The following NSG2 variants were observed in gnomAD, a reference collection of about 807,000 sequenced individuals.
NSG2 encodes the protein neuronal vesicle trafficking associated 2, also known as neuronal vesicle trafficking-associated protein 2.
NSG2 carries 4 observed loss-of-function variants against 16.9 expected under a neutral mutation model. The observed-to-expected ratio is 0.24, with a 90% CI of 0.12 to 0.54. The LOEUF is 0.54. Among genes scored for constraint, NSG2 ranks in the 20% least tolerant of loss-of-function variants. The probability of loss-of-function intolerance (pLI) is 0.95; values close to 1 mark genes in which losing one functional copy is unlikely to be tolerated. For missense variants in NSG2, 179 were observed against 221.1 expected (o/e 0.81, Z 1.21); for synonymous variants, 98 against 88.7 (o/e 1.11, Z -0.59).
intron 2 of NSG2, 81 bp downstream of exon 2, chr5:174,046,965 C>G (rs900745137): frequency 4.9e-6 from 7 of 1,422,446 alleles, no homozygotes; most frequent in East Asian, 4.6e-5. Flanking sequence ...TTCCACCCCC[C>G]AAATCCTTTC....
chr5:174,099,743 G>A (rs939705451), intron 3 of NSG2, among the ~76,000 whole-genome samples: 1 of 152,220 alleles, frequency 6.6e-6, no homozygotes, highest in East Asian at 1.9e-4. Context: ...TCTGCTCAGA[G>A]CCTTCTTCCC....
rs148500337 is a variant in NSG2, at chr5:174,064,234, G to A, written c.132G>A (p.Val44=). The change falls in exon 3 of 5, where the codon GTG becomes GTA. Residue 44 remains valine, a splice_region_variant and synonymous_variant. Transcript: ENST00000303177. ...NHLQLPAPEK[V]IVKTRTEYQP... ...AACACACTGGTTGACTCTTTCAGGT[G>A]ATTGTGAAGACAAGAACGGAATATC... 10 of 1,606,832 alleles carry A rather than the reference G, an allele frequency of 6.2e-6. No individual in the cohort carries two copies. The highest frequency in any genetic ancestry group is 1.7e-4 in the Middle Eastern group (1 of 6,048).
chr5:174,050,738 C>A (rs539215461), intron 2 of NSG2, among the ~76,000 whole-genome samples: 2 of 152,122 alleles, frequency 1.3e-5, no homozygotes, highest in Non-Finnish European at 2.9e-5. Flanking sequence ...GGACTGGTCC[C>A]CCAGACAGAA....
chr5:174,099,342 C>T (rs544917977), intron 3 of NSG2, among the ~76,000 whole-genome samples: 1 of 152,166 alleles, frequency 6.6e-6, no homozygotes, highest in Non-Finnish European at 1.5e-5. Context: ...TCTTGTCTCG[C>T]AGTGCTGTGC....
chr5:174,062,017 T>C (rs974590754), intron 2 of NSG2, among the ~76,000 whole-genome samples: 1 of 151,354 alleles, frequency 6.6e-6, no homozygotes, highest in Admixed American at 6.6e-5. Flanking sequence ...AGGGTGACAC[T>C]GCAGCCTGAC....
intron 3 of NSG2, among the ~76,000 whole-genome samples, chr5:174,067,181 A>G (rs1250390373): frequency 6.6e-6 from 1 of 152,176 alleles, no homozygotes; most frequent in Admixed American, 6.5e-5. Flanking sequence ...TGTTATTAGC[A>G]GTGATATAGG....
chr5:174,062,389 C>T (rs1561663401), intron 2 of NSG2, among the ~76,000 whole-genome samples: 1 of 152,170 alleles, frequency 6.6e-6, no homozygotes, highest in Non-Finnish European at 1.5e-5. Flanking sequence ...AGTAAATGCA[C>T]AAAGTATGAG....
At chr5:174,048,424 C>G (rs1006094615) in intron 2 of NSG2, among the ~76,000 whole-genome samples, 12 of 152,222 alleles carry the variant, frequency 7.9e-5, no homozygotes, top group African/African-American at 2.9e-4. Context: ...ACCTGGGAGT[C>G]AGGGATTATT....
At chr5:174,092,904 A>C (rs1180877861) in intron 3 of NSG2, among the ~76,000 whole-genome samples, 1 of 152,190 alleles carries the variant, frequency 6.6e-6, no homozygotes, top group Non-Finnish European at 1.5e-5. Context: ...ATCCATGTAG[A>C]TGGGAACAAG....
At chr5:174,097,182 G>A (rs1228792848) in intron 3 of NSG2, among the ~76,000 whole-genome samples, 1 of 152,076 alleles carries the variant, frequency 6.6e-6, no homozygotes, top group Non-Finnish European at 1.5e-5. Flanking sequence ...TGCCAGAGTC[G>A]CCAACTCTGT....
In NSG2 at chr5:174,092,797, C is replaced by A. The variant is rs538803151; in HGVS notation, c.214-11431C>A. Among the ~76,000 whole-genome samples, 5 of 152,182 alleles carry A rather than the reference C, an allele frequency of 3.3e-5. No individual in the cohort carries two copies. In the East Asian group the frequency reaches 5.8e-4, roughly 18 times the overall value. On this transcript the variant is annotated intron_variant, in intron 3 of 4. Coordinates refer to ENST00000303177, the MANE Select transcript of NSG2 (RefSeq NM_015980.5). ...TGTCTTGATTCTGAGGTGGCCCAGA[C>A]TCGGCACGTGAGGATGCTCTATGTG...
intron 3 of NSG2, among the ~76,000 whole-genome samples, chr5:174,067,845 G>T (rs564724312): frequency 3.0e-4 from 45 of 152,256 alleles, no homozygotes; most frequent in African/African-American, 1.1e-3. Flanking sequence ...CCTGGTTGGA[G>T]GAAGGGCATT....
intron 3 of NSG2, among the ~76,000 whole-genome samples, chr5:174,074,083 C>G (rs930712268): frequency 1.3e-5 from 2 of 152,096 alleles, no homozygotes; most frequent in African/African-American, 4.8e-5. Flanking sequence ...CTCCTCCTCT[C>G]CCCCCAAGAG....
At chr5:174,073,081 C>T (rs1354227911) in intron 3 of NSG2, among the ~76,000 whole-genome samples, 1 of 152,222 alleles carries the variant, frequency 6.6e-6, no homozygotes, top group East Asian at 1.9e-4. Context: ...ATCACATCAA[C>T]AGCTCTGGTT....
chr5:174,089,775 C>T (rs775045496), intron 3 of NSG2, among the ~76,000 whole-genome samples: 17 of 152,050 alleles, frequency 1.1e-4, no homozygotes, highest in Non-Finnish European at 2.1e-4. Flanking sequence ...CTACCACCTC[C>T]GGCTAGTTTT....
chr5:174,103,993 A>G (rs1213435683), intron 3 of NSG2, among the ~76,000 whole-genome samples: 1 of 152,098 alleles, frequency 6.6e-6, no homozygotes, highest in Non-Finnish European at 1.5e-5. Context: ...ACAAATAAAC[A>G]ACAACAAAAA....
chr5:174,071,892 C>A (rs1760248891), intron 3 of NSG2, among the ~76,000 whole-genome samples: 1 of 152,170 alleles, frequency 6.6e-6, no homozygotes, highest in Admixed American at 6.5e-5. Context: ...AAGGATGCTG[C>A]TGAGCTCACT....
In NSG2 at chr5:174,081,151, CTTTATG is replaced by C. The variant is rs372227523; in HGVS notation, c.213+16842_213+16847del. ...TAATAATTTCTTTAAAATTTTGATT[CTTTATG>C]TTTATAAGGAATATACAATTGTTCC... On this transcript the variant is annotated intron_variant, in intron 3 of 4. Transcript: ENST00000303177. Among the ~76,000 whole-genome samples, 1,419 of 151,952 alleles carry C rather than the reference CTTTATG, an allele frequency of 9.3e-3. 12 individuals are homozygous for C. The highest frequency in any genetic ancestry group is 0.014 in the Non-Finnish European group (967 of 67,944).
intron 3 of NSG2, among the ~76,000 whole-genome samples, chr5:174,087,237 G>T (rs79129309): frequency 0.019 from 2,882 of 152,204 alleles, 94 homozygotes; most frequent in African/African-American, 0.065. Flanking sequence ...AATCTTTTTG[G>T]TTTGCGGATG....
Sources: gnomAD v4.1 joint callset for allele counts (sites outside exome capture counted in the v4.1 genomes callset) on GRCh38, gnomAD v4.1.1 for gene constraint, MANE v1.5 for transcripts, NCBI Gene and HGNC (gene_info 2026-07-23, HGNC 2026-07-21) for gene names.